The following NXPE2 variants were observed in gnomAD, a reference collection of about 807,000 sequenced individuals.
NXPE2 encodes neurexophilin and PC-esterase domain family member 2, also known as NXPE family member 2.
A neutral mutation model predicts 34.4 loss-of-function variants in NXPE2; 34 were observed. The ratio of observed to expected loss-of-function variants is 0.99; its 90% CI spans 0.75 to 1.31. NXPE2 has a LOEUF of 1.31. Ranked by LOEUF, NXPE2 falls within the 40% of genes most tolerant of loss-of-function variation. The pLI is 0.00. For missense variants in NXPE2, 649 were observed against 672.5 expected, an observed-to-expected ratio of 0.97 and a Z score of 0.39; for synonymous variants, 235 against 231.3, an observed-to-expected ratio of 1.02 and a Z score of -0.15.
chr11:114,612,307 G>A, the NXPE2 span, among the ~76,000 whole-genome samples: 6 of 150,426 alleles, frequency 4.0e-5, no homozygotes, highest in African/African-American at 1.2e-4. Flanking sequence ...GTATTGCCTC[G>A]CAGGTAACCA....
chr11:114,799,189 T>C, the NXPE2 span, among the ~76,000 whole-genome samples: 1 of 148,822 alleles, frequency 6.7e-6, no homozygotes. Context: ...GAAGAGAAAA[T>C]AAGTTAGTCT....
At chr11:114,498,305 A>C in the NXPE2 span, among the ~76,000 whole-genome samples, 1 of 152,096 alleles carries the variant, frequency 6.6e-6, no homozygotes, top group Non-Finnish European at 1.5e-5. Context: ...GAACAAATGG[A>C]ATTGGAATGT....
the NXPE2 span, among the ~76,000 whole-genome samples, chr11:114,630,781 A>C: frequency 1.3e-4 from 20 of 151,930 alleles, no homozygotes; most frequent in Admixed American, 1.3e-3. Context: ...TCATCTGATA[A>C]AGGGTTAATA....
the NXPE2 span, among the ~76,000 whole-genome samples, chr11:114,482,043 A>T: frequency 0.41 from 61,417 of 151,374 alleles, 13,254 homozygotes; most frequent in East Asian, 0.6. Flanking sequence ...TCAACTGAAG[A>T]ATGAAAGATG....
the NXPE2 span, among the ~76,000 whole-genome samples, chr11:114,563,739 A>G: frequency 2.0e-4 from 30 of 152,352 alleles, no homozygotes; most frequent in Non-Finnish European, 3.1e-4. Context: ...ATCACTAATT[A>G]TCAGGGAAAT....
At chr11:114,621,031 G>A in the NXPE2 span, among the ~76,000 whole-genome samples, 16 of 151,524 alleles carry the variant, frequency 1.1e-4, no homozygotes, top group Non-Finnish European at 2.1e-4. Flanking sequence ...CCACTGTTAC[G>A]CAGTGCACAA....
At chr11:114,553,705 G>T in the NXPE2 span, 1 of 985,076 alleles carries the variant, frequency 1.0e-6, no homozygotes, top group Non-Finnish European at 1.2e-6. Context: ...CTACTCCTTA[G>T]CTTGAGCTCT....
chr11:114,478,965 C>T, the NXPE2 span, among the ~76,000 whole-genome samples: 5 of 152,308 alleles, frequency 3.3e-5, no homozygotes, highest in African/African-American at 1.2e-4. Context: ...CAGCAGGAGC[C>T]AGTGCCATGA....
At chr11:114,532,369 A>G in the NXPE2 span, among the ~76,000 whole-genome samples, 3 of 152,324 alleles carry the variant, frequency 2.0e-5, no homozygotes, top group South Asian at 6.2e-4. Flanking sequence ...TCTGGAAAAT[A>G]TATATCTGGA....
the NXPE2 span, among the ~76,000 whole-genome samples, chr11:114,812,323 T>A: frequency 1.3e-5 from 2 of 152,206 alleles, no homozygotes; most frequent in African/African-American, 4.8e-5. Flanking sequence ...ATATCACTTG[T>A]TCTCACTTCT....
chr11:114,571,153 T>G, the NXPE2 span: 3 of 1,613,900 alleles, frequency 1.9e-6, no homozygotes, highest in African/African-American at 4.0e-5. Context: ...ATGTTTTCTG[T>G]TTTGATGATA....
At chr11:114,775,619 ATGAG>A in the NXPE2 span, among the ~76,000 whole-genome samples, 1 of 152,214 alleles carries the variant, frequency 6.6e-6, no homozygotes, top group East Asian at 1.9e-4. Context: ...CCACGTGGGA[ATGAG>A]TGAGTGAACG....
chr11:114,625,555 G>A, the NXPE2 span, among the ~76,000 whole-genome samples: 3,006 of 151,474 alleles, frequency 0.02, 49 homozygotes, highest in South Asian at 0.033. Context: ...ACTGTTACCC[G>A]GTGGATAATA....
At chr11:114,479,139 T>C in the NXPE2 span, among the ~76,000 whole-genome samples, 2 of 152,192 alleles carry the variant, frequency 1.3e-5, no homozygotes, top group African/African-American at 4.8e-5. Flanking sequence ...CTTTTGATTC[T>C]TTCGGTTTGG....
the NXPE2 span, among the ~76,000 whole-genome samples, chr11:114,772,075 A>G: frequency 2.0e-5 from 3 of 152,242 alleles, no homozygotes; most frequent in Admixed American, 2.0e-4. Context: ...TCCTGCCATG[A>G]AAACGGACGC....
the NXPE2 span, among the ~76,000 whole-genome samples, chr11:114,773,321 T>C: frequency 4.4e-5 from 5 of 114,302 alleles, 1 homozygote; most frequent in South Asian, 1.5e-3. Context: ...GCTCTTCCTC[T>C]GGGTCTCTCC....
the NXPE2 span, among the ~76,000 whole-genome samples, chr11:114,785,800 C>A: frequency 6.6e-6 from 1 of 152,162 alleles, no homozygotes; most frequent in East Asian, 1.9e-4. Flanking sequence ...TAGTTTTAGG[C>A]CTAAATCCTA....
chr11:114,810,938 T>C, the NXPE2 span, among the ~76,000 whole-genome samples: 2 of 152,064 alleles, frequency 1.3e-5, no homozygotes, highest in Non-Finnish European at 1.5e-5. Context: ...GGAACTGACC[T>C]AAATGTCCAA....
the NXPE2 span, among the ~76,000 whole-genome samples, chr11:114,663,065 C>T: frequency 2.6e-5 from 4 of 152,138 alleles, no homozygotes; most frequent in Admixed American, 6.6e-5. Flanking sequence ...AGACAGGAGC[C>T]CATTGCACTG....
Sources: gnomAD v4.1 joint callset for allele counts (sites outside exome capture counted in the v4.1 genomes callset) on GRCh38, gnomAD v4.1.1 for gene constraint, MANE v1.5 for transcripts, NCBI Gene and HGNC (gene_info 2026-07-23, HGNC 2026-07-21) for gene names.